The following GYPC variants were observed in gnomAD, a reference collection of about 807,000 sequenced individuals.
The protein encoded by GYPC is glycophorin-C.
GYPC carries 14 observed loss-of-function variants against 12.6 expected under a neutral mutation model. The observed-to-expected ratio is 1.11, with a 90% CI of 0.74 to 1.74. GYPC has a LOEUF of 1.74. GYPC is among the 40% of genes most tolerant of loss of function. The pLI, the probability that GYPC is intolerant of heterozygous loss-of-function variation, is 0.00. For synonymous variants in GYPC, 78 were observed against 62.1 expected, an observed-to-expected ratio of 1.26 and a Z score of -1.20; for missense variants, 225 against 172.1, an observed-to-expected ratio of 1.31 and a Z score of -1.72.
chr2:126,690,468 A>AT (rs1166453136), intron 2 of GYPC, among the ~76,000 whole-genome samples, 157 bp downstream of exon 2: 2 of 152,034 alleles, frequency 1.3e-5, no homozygotes, highest in East Asian at 1.9e-4. Context: ...GGCTGTGGCC[A>AT]TTTTTTCTCT....
chr2:126,672,681 T>C (rs2104782804), intron 1 of GYPC, among the ~76,000 whole-genome samples: 1 of 152,030 alleles, frequency 6.6e-6, no homozygotes, highest in Non-Finnish European at 1.5e-5. Context: ...GCAGCAACCT[T>C]CTCCCCTCAG....
At chr2:126,663,741 G>T (rs1244506486) in intron 1 of GYPC, among the ~76,000 whole-genome samples, 1 of 152,190 alleles carries the variant, frequency 6.6e-6, no homozygotes, top group Non-Finnish European at 1.5e-5. Flanking sequence ...TGACCCTGGT[G>T]CACTCTAAGC....
intron 1 of GYPC, among the ~76,000 whole-genome samples, chr2:126,661,733 G>A (rs1307305299): frequency 2.0e-5 from 3 of 152,040 alleles, no homozygotes; most frequent in Admixed American, 6.5e-5. Flanking sequence ...ATTGATTACA[G>A]GCATGAGCCA....
At chr2:126,679,947 C>T (rs187374616) in intron 1 of GYPC, 1 of 152,298 alleles carries the variant, frequency 6.6e-6, no homozygotes, top group Admixed American at 6.5e-5. Context: ...CAAACTACAA[C>T]TTGTGGGCCA....
intron 1 of GYPC, among the ~76,000 whole-genome samples, chr2:126,667,121 T>G (rs1407265969): frequency 1.3e-5 from 2 of 152,206 alleles, no homozygotes; most frequent in African/African-American, 4.8e-5. Flanking sequence ...CTCAAGGTCA[T>G]TGTAGCCATC....
At chr2:126,692,653 C>A (rs924789839) in intron 2 of GYPC, among the ~76,000 whole-genome samples, 20 of 152,242 alleles carry the variant, frequency 1.3e-4, no homozygotes, top group South Asian at 8.3e-4. Flanking sequence ...GGAAACATCC[C>A]GGTCCCCAAT....
intron 1 of GYPC, among the ~76,000 whole-genome samples, chr2:126,661,453 CTCT>C (rs1257930765): frequency 6.7e-6 from 1 of 148,922 alleles, no homozygotes; most frequent in African/African-American, 2.5e-5. Context: ...TTCTCTCTCT[CTCT>C]TTTTTTTTTT....
intron 1 of GYPC, chr2:126,679,519 A>G (rs1573568757): frequency 6.6e-6 from 1 of 152,222 alleles, no homozygotes; most frequent in Non-Finnish European, 1.5e-5. Flanking sequence ...TTTAAGCAAC[A>G]TCACTCATTC....
intron 1 of GYPC, among the ~76,000 whole-genome samples, chr2:126,683,062 A>T (rs1238603779): frequency 6.6e-6 from 1 of 152,242 alleles, no homozygotes; most frequent in East Asian, 1.9e-4. Flanking sequence ...TCATGCCTGT[A>T]ATCCCAACAC....
chr2:126,695,213 C>G (rs1407063944), intron 3 of GYPC, among the ~76,000 whole-genome samples: 2 of 152,218 alleles, frequency 1.3e-5, no homozygotes, highest in African/African-American at 4.8e-5. Context: ...GTACATAGAG[C>G]AACCAGCTCT....
intron 1 of GYPC, chr2:126,675,839 C>T (rs913122053): frequency 4.4e-6 from 1 of 228,686 alleles, no homozygotes; most frequent in Admixed American, 6.5e-5. Context: ...GAAAAATAAG[C>T]TAATGATATG....
In GYPC at chr2:126,657,116, A is replaced by G. The variant is rs758392632; in HGVS notation, c.49+804A>G. 1.7e-4 allele frequency among the ~76,000 whole-genome samples: 26 copies of G among 152,176 alleles called. 1 individual carries two copies. The highest frequency in any genetic ancestry group is 3.2e-4 in the Non-Finnish European group (22 of 68,028). ...GCCTATCATGTGACAATGATACCTT[A>G]TTGATATGATAATGATATGGGTATT... is the stretch of plus-strand genomic sequence containing the variant. On this transcript the variant is annotated intron_variant, in intron 1 of 3. Coordinates refer to ENST00000259254, the MANE Select transcript of GYPC (RefSeq NM_002101.5).
chr2:126,674,880 C>T (rs1464995101), intron 1 of GYPC, among the ~76,000 whole-genome samples: 1 of 152,202 alleles, frequency 6.6e-6, no homozygotes, highest in Non-Finnish European at 1.5e-5. Context: ...GTTAACCCCC[C>T]AACACATTTG....
At chr2:126,683,174 C>A (rs1276003428) in intron 1 of GYPC, among the ~76,000 whole-genome samples, 8 of 152,108 alleles carry the variant, frequency 5.3e-5, no homozygotes, top group African/African-American at 1.9e-4. Context: ...CAAAAATTAG[C>A]CAGACATGGT....
At chr2:126,687,474 A>G (rs755516) in intron 1 of GYPC, among the ~76,000 whole-genome samples, 91,167 of 152,066 alleles carry the variant, frequency 0.6, 27,779 homozygotes, top group African/African-American at 0.7. Context: ...CACAGCATCC[A>G]CACCTTCCCA....
chr2:126,657,505 A>T (rs1296007358), intron 1 of GYPC: 1 of 152,240 alleles, frequency 6.6e-6, no homozygotes, highest in East Asian at 1.9e-4. Flanking sequence ...GACACATCCT[A>T]AGTGCTGGAT....
chr2:126,663,514 G>A (rs1682596509), intron 1 of GYPC, among the ~76,000 whole-genome samples: 1 of 152,306 alleles, frequency 6.6e-6, no homozygotes, highest in Non-Finnish European at 1.5e-5. Flanking sequence ...CACCTCATCG[G>A]GGCACCAGCC....
At chr2:126,672,581 T>C (rs1195044759) in intron 1 of GYPC, among the ~76,000 whole-genome samples, 1 of 152,042 alleles carries the variant, frequency 6.6e-6, no homozygotes, top group Non-Finnish European at 1.5e-5. Flanking sequence ...ACAGGACCCT[T>C]AGGGAGCAGG....
intron 2 of GYPC, among the ~76,000 whole-genome samples, chr2:126,690,744 C>T (rs1350447054): frequency 2.0e-5 from 3 of 152,034 alleles, no homozygotes; most frequent in Non-Finnish European, 4.4e-5. Flanking sequence ...TCCATGACCC[C>T]CAACCCTCCA....
Sources: allele counts gnomAD v4.1 joint callset (sites outside exome capture counted in the v4.1 genomes callset), GRCh38; gene constraint gnomAD v4.1.1; transcripts MANE v1.5; gene names NCBI Gene and HGNC (gene_info 2026-07-23, HGNC 2026-07-21).